ANKRD11: variants seen among roughly 807,000 people sequenced by gnomAD.
The protein encoded by ANKRD11 is ankyrin repeat domain 11.
ANKRD11 carries 17 observed loss-of-function variants against 195.7 expected under a neutral mutation model. That is an observed-to-expected ratio of 0.09 (90% confidence interval 0.06 to 0.13). The LOEUF (loss-of-function observed/expected upper bound fraction) is 0.13. Among genes scored for constraint, ANKRD11 ranks in the 10% least tolerant of loss-of-function variants. The probability of loss-of-function intolerance (pLI) is 1.00; values close to 1 mark genes in which losing one functional copy is unlikely to be tolerated. For missense variants in ANKRD11, 3,735 were observed against 3,566.1 expected (o/e 1.05, Z -1.21); for synonymous variants, 1,953 against 1,528.1 (o/e 1.28, Z -6.49).
intron 1 of ANKRD11, among the ~76,000 whole-genome samples, chr16:89,485,647 G>A (rs1042559038): frequency 2.0e-5 from 3 of 152,000 alleles, no homozygotes; most frequent in African/African-American, 7.3e-5. Context: ...CCCACAATTA[G>A]TCTTTAAAAA....
intron 2 of ANKRD11, among the ~76,000 whole-genome samples, chr16:89,394,454 C>T (rs1340043599): frequency 1.3e-5 from 2 of 152,174 alleles, no homozygotes; most frequent in African/African-American, 2.4e-5. Flanking sequence ...CATGGTGAAA[C>T]CCTGTCTCTA....
chr16:89,337,612 T>A (rs2038439628), intron 2 of ANKRD11, among the ~76,000 whole-genome samples: 1 of 151,824 alleles, frequency 6.6e-6, no homozygotes, highest in African/African-American at 2.4e-5. Context: ...AATTTTTTTG[T>A]ATTTTTTATA....
intron 2 of ANKRD11, among the ~76,000 whole-genome samples, chr16:89,396,919 TC>T (rs1597274966): frequency 6.6e-6 from 1 of 150,548 alleles, no homozygotes; most frequent in African/African-American, 2.4e-5. Flanking sequence ...ACTCCTGACC[TC>T]AGGTGATCCA....
At chr16:89,314,507 G>A (rs535320974) in intron 3 of ANKRD11, among the ~76,000 whole-genome samples, 25 of 152,152 alleles carry the variant, frequency 1.6e-4, no homozygotes, top group African/African-American at 2.4e-4. Flanking sequence ...TGCCTCCTGC[G>A]CCAACACGAC....
chr16:89,391,993 C>T (rs1408461858), intron 2 of ANKRD11, among the ~76,000 whole-genome samples: 1 of 152,152 alleles, frequency 6.6e-6, no homozygotes, highest in Admixed American at 6.5e-5. Flanking sequence ...GTGTTTTTAC[C>T]TTTCTCAGCA....
chr16:89,463,010 GC>G (rs1243233337), intron 1 of ANKRD11, among the ~76,000 whole-genome samples: 2 of 149,650 alleles, frequency 1.3e-5, no homozygotes, highest in Admixed American at 1.3e-4. Flanking sequence ...GGGGGGGTCA[GC>G]CCCCCGCCAG....
intron 1 of ANKRD11, among the ~76,000 whole-genome samples, chr16:89,419,163 T>G (rs906434967): frequency 2.0e-5 from 3 of 152,058 alleles, no homozygotes; most frequent in Non-Finnish European, 4.4e-5. Context: ...TTTAAAAAGC[T>G]GAATAAAGCC....
intron 1 of ANKRD11, among the ~76,000 whole-genome samples, chr16:89,484,843 A>G (rs1183482142): frequency 6.6e-6 from 1 of 152,230 alleles, no homozygotes; most frequent in African/African-American, 2.4e-5. Context: ...ATGAACAGGT[A>G]CACATTGGTT....
rs748892371 is a variant in ANKRD11 at position 89,280,494 on chromosome 16, G to A, written c.6048C>T (p.Pro2016=). 3.8e-5 allele frequency: 60 copies of A among 1,591,586 alleles called. No homozygotes were observed. The South Asian group carries it at 4.2e-4, about 11-fold the overall frequency. The change falls in exon 9 of 13, where the codon CCC becomes CCT. Residue 2016 remains proline, a synonymous_variant. Coordinates refer to ENST00000301030, the MANE Select transcript of ANKRD11 (RefSeq NM_013275.6). ...GPFSASEAPY[P]APPASPAPYA... is the part of the protein sequence containing the mutation. Reference sequence around the variant, plus strand: ...ACGGGGCAGGAGAGGCGGGAGGGGCGGGGTACGGCGCCTCCGAGGCGCTGA... The same window carrying A: ...ACGGGGCAGGAGAGGCGGGAGGGGCAGGGTACGGCGCCTCCGAGGCGCTGA...
chr16:89,440,862 TG>T (rs1312308750), intron 1 of ANKRD11, among the ~76,000 whole-genome samples: 2 of 152,218 alleles, frequency 1.3e-5, no homozygotes, highest in African/African-American at 4.8e-5. Flanking sequence ...GCAATGCGTG[TG>T]AGTGCGCATG....
intron 4 of ANKRD11, among the ~76,000 whole-genome samples, chr16:89,296,197 C>G (rs574344462): frequency 9.3e-4 from 141 of 151,904 alleles, no homozygotes; most frequent in African/African-American, 3.0e-3. Flanking sequence ...ACGTCAGAGT[C>G]ATATTTAAAT....
chr16:89,415,488 T>C (rs1264764454), intron 2 of ANKRD11, among the ~76,000 whole-genome samples: 8 of 149,790 alleles, frequency 5.3e-5, no homozygotes, highest in African/African-American at 1.7e-4. Context: ...ATGGTCTTGA[T>C]CTCCTGACCT....
At chr16:89,373,385 C>G (rs897766973) in intron 2 of ANKRD11, 4 of 152,378 alleles carry the variant, frequency 2.6e-5, no homozygotes, top group Admixed American at 6.5e-5. Context: ...AATTCCAAAA[C>G]ACACGCCTTC....
At chr16:89,457,749 G>A (rs974748025) in intron 1 of ANKRD11, among the ~76,000 whole-genome samples, 2 of 152,108 alleles carry the variant, frequency 1.3e-5, no homozygotes, top group Non-Finnish European at 2.9e-5. Context: ...TCAAGCTGGT[G>A]CTTAATACCT....
chr16:89,273,972 G>A (rs1567542538), intron 11 of ANKRD11, among the ~76,000 whole-genome samples: 1 of 152,216 alleles, frequency 6.6e-6, no homozygotes, highest in Non-Finnish European at 1.5e-5. Flanking sequence ...TGCACAGGAT[G>A]TGGGGCCTGG....
intron 2 of ANKRD11, among the ~76,000 whole-genome samples, chr16:89,345,265 G>A (rs1179024550): frequency 9.2e-5 from 2 of 21,838 alleles, no homozygotes; most frequent in East Asian, 1.5e-3. Flanking sequence ...CCCACCCCCC[G>A]GCAAAAGGAG....
chr16:89,358,297 T>C (rs749110848), intron 2 of ANKRD11, among the ~76,000 whole-genome samples: 2 of 152,228 alleles, frequency 1.3e-5, no homozygotes, highest in Non-Finnish European at 2.9e-5. Flanking sequence ...GTTCCTTCCC[T>C]TCTGTTGGCC....
chr16:89,396,306 T>C (rs2041425524), intron 2 of ANKRD11, among the ~76,000 whole-genome samples: 1 of 149,078 alleles, frequency 6.7e-6, no homozygotes, highest in African/African-American at 2.6e-5. Flanking sequence ...GGGTGCACAC[T>C]GTGTGCTGAC....
intron 4 of ANKRD11, among the ~76,000 whole-genome samples, chr16:89,302,230 C>G (rs1024381041): frequency 2.6e-5 from 4 of 152,192 alleles, no homozygotes; most frequent in Admixed American, 2.0e-4. Context: ...CAGGGTGGGG[C>G]TGAACGCACT....
Sources: allele counts gnomAD v4.1 joint callset (sites outside exome capture counted in the v4.1 genomes callset), GRCh38; gene constraint gnomAD v4.1.1; transcripts MANE v1.5; gene names NCBI Gene and HGNC (gene_info 2026-07-23, HGNC 2026-07-21).